FBRSL1: variants seen among roughly 807,000 people sequenced by gnomAD.
The protein encoded by FBRSL1 is fibrosin like 1, also known as fibrosin-1-like protein.
FBRSL1 carries 51 observed loss-of-function variants against 89.6 expected under a neutral mutation model. The observed-to-expected ratio is 0.57, with a 90% CI of 0.45 to 0.72. The LOEUF (loss-of-function observed/expected upper bound fraction) is 0.72. Ranked by LOEUF, FBRSL1 falls within the 30% of genes least tolerant of loss-of-function variation. The pLI is 0.00. For synonymous variants in FBRSL1, 779 were observed against 681.1 expected (o/e 1.14, Z -2.24); for missense variants, 1,618 against 1,451.8 (o/e 1.11, Z -1.86).
At chr12:132,510,878 C>T (rs2034255067) in intron 2 of FBRSL1, 1 of 1,021,228 alleles carries the variant, frequency 9.8e-7, no homozygotes, top group African/African-American at 1.7e-5. Flanking sequence ...CCTTGCATCT[C>T]TGAGTCTACG....
chr12:132,547,936 G>T lies in FBRSL1; in HGVS notation c.616-67G>T. The T allele has an allele frequency of 2.0e-6, 3 of 1,532,472 alleles. No homozygotes were observed. The South Asian group carries it at 3.6e-5, about 18-fold the overall frequency. 94.9% of individuals were successfully genotyped at this position (1,532,472 alleles called of 1,614,324 possible). On this transcript the variant is annotated intron_variant, in intron 4 of 18. Coordinates refer to ENST00000680143, the MANE Select transcript of FBRSL1 (RefSeq NM_001367871.1). ...CCCGTGCCCCTGCAGCCTGGCTGCT[G>T]CCGTGCCCCGGGGGGTGACACTGGT...
intron 4 of FBRSL1, among the ~76,000 whole-genome samples, chr12:132,533,069 C>G (rs1289701493): frequency 6.6e-6 from 1 of 152,184 alleles, no homozygotes; most frequent in Admixed American, 6.5e-5. Context: ...TCCCTGGAGT[C>G]AGAGAGCCAC....
chr12:132,583,171 C>G lies in FBRSL1; in HGVS notation c.2402C>G (p.Ser801Cys). The change falls in exon 19 of 19, where the codon TCC (serine) becomes TGC (cysteine). Residue 801 changes from serine (S) to cysteine (C), a missense_variant. Transcript: ENST00000680143. ...GCCGCCAAGATGCCCGCGCGCGCAT[C>G]CCCGCCCCACAGCAAGGCGGCCCCT... ...EEAAKMPARA[S>C]PPHSKAAPGD... The G allele has an allele frequency of 6.9e-7, 1 of 1,456,808 alleles. No individual in the cohort carries two copies. The highest frequency in any genetic ancestry group is 9.0e-7 in the Non-Finnish European group (1 of 1,108,392). 90.2% of individuals were successfully genotyped at this position (1,456,808 alleles called of 1,614,324 possible).
chr12:132,567,149 G>T (rs2039683522), intron 5 of FBRSL1, among the ~76,000 whole-genome samples: 1 of 152,184 alleles, frequency 6.6e-6, no homozygotes, highest in Non-Finnish European at 1.5e-5. Context: ...GAGGGGTGCA[G>T]ATTTGCCAAA....
Position 132,581,821 on chromosome 12 carries a change from C to G in FBRSL1, c.1993C>G (p.Leu665Val), listed in dbSNP as rs1177224565. ...HAFGGLGSHALAPGGSIFAPK... is the reference protein window; with the variant it reads ...HAFGGLGSHAVAPGGSIFAPK... Reference sequence around the variant, plus strand: ...CTTTGGGGGCCTGGGCAGCCATGCACTGGGTGAGTGACCCAGCCTGTGCCC... The same window carrying G: ...CTTTGGGGGCCTGGGCAGCCATGCAGTGGGTGAGTGACCCAGCCTGTGCCC... The change falls in exon 17 of 19, where the codon CTG (leucine) becomes GTG (valine). Residue 665 changes from leucine to valine, a missense_variant. Physicochemically the swap from Leu to Val is conservative, Grantham distance 32. Coordinates refer to ENST00000680143, the MANE Select transcript of FBRSL1 (RefSeq NM_001367871.1). 2.6e-6 allele frequency: 4 copies of G among 1,545,516 alleles called. No individual in the cohort carries two copies. The highest frequency in any genetic ancestry group is 3.5e-6 in the Non-Finnish European group (4 of 1,144,688).
At chr12:132,500,979 G>A (rs1188225066) in intron 1 of FBRSL1, among the ~76,000 whole-genome samples, 1 of 152,250 alleles carries the variant, frequency 6.6e-6, no homozygotes, top group East Asian at 1.9e-4. Context: ...ACCCTGTCCT[G>A]TGGCCGGCGT....
chr12:132,558,631 A>G (rs1019653524), intron 5 of FBRSL1, among the ~76,000 whole-genome samples: 2 of 152,232 alleles, frequency 1.3e-5, no homozygotes, highest in Admixed American at 6.5e-5. Flanking sequence ...GATTCCTTCT[A>G]TACCGTTGGA....
chr12:132,557,236 T>C (rs2038755667), intron 5 of FBRSL1, among the ~76,000 whole-genome samples: 1 of 152,206 alleles, frequency 6.6e-6, no homozygotes, highest in African/African-American at 2.4e-5. Flanking sequence ...TAAATGTGCC[T>C]CTGAACACCA....
Position 132,520,095 on chromosome 12 carries a change from G to A in FBRSL1, c.490-5639G>A, listed in dbSNP as rs368567358. Among the ~76,000 whole-genome samples the A allele has an allele frequency of 1.9e-4, 28 of 145,278 alleles. 1 individual carries two copies. In the East Asian group the frequency reaches 2.8e-3, roughly 15 times the overall value. ...AGCACCCCCTCCTTGCACCCCTCCA[G>A]CACACCCTCCTTGCACACCTCCAGC... On this transcript the variant is annotated intron_variant, in intron 2 of 18. Coordinates refer to ENST00000680143, the MANE Select transcript of FBRSL1 (RefSeq NM_001367871.1).
At position 132,490,539 on chromosome 12, in the gene FBRSL1, G is replaced by A. The variant is rs1239927499; in HGVS notation, c.-32G>A. Reference sequence around the variant, plus strand: ...CTGCGAGCCAGGCGCGGGGCGTCAAGGTCACCGGCCCGACGGGGCGCACGC... The same window carrying A: ...CTGCGAGCCAGGCGCGGGGCGTCAAAGTCACCGGCCCGACGGGGCGCACGC... On this transcript the variant is annotated 5_prime_UTR_variant, in exon 1 of 19. Coordinates refer to ENST00000680143, the MANE Select transcript of FBRSL1 (RefSeq NM_001367871.1). 3 of 980,438 alleles carry A rather than the reference G, an allele frequency of 3.1e-6. No individual in the cohort carries two copies. Among genetic ancestry groups the A allele is most frequent in the Non-Finnish European group, 3.6e-6 (3 of 827,998 alleles). 60.7% of individuals were successfully genotyped at this position (980,438 alleles called of 1,614,324 possible).
chr12:132,502,443 C>T (rs547565317), intron 1 of FBRSL1, among the ~76,000 whole-genome samples: 81 of 152,186 alleles, frequency 5.3e-4, no homozygotes, highest in Non-Finnish European at 9.3e-4. Context: ...AGGTGTGATC[C>T]GTGGTCTTCC....
Position 132,571,239 on chromosome 12 carries a change from TCCGCCTCGCC to T in FBRSL1, c.1377+14_1377+23del. 1 of 1,466,028 alleles carries T rather than the reference TCCGCCTCGCC, an allele frequency of 6.8e-7. No individual in the cohort carries two copies. Among genetic ancestry groups the T allele is most frequent in the Admixed American group, 2.3e-5 (1 of 43,390 alleles). The allele number at this position is 1,466,028 out of a possible 1,614,324, so 90.8% of individuals were successfully genotyped here. A position where few individuals can be genotyped will look rare whatever the true frequency, so the allele number is the denominator to read the frequency against. ...CGACCCCGGGAGTGCCAGGTGACTA[TCCGCCTCGCC>T]CCGCCGGGAGCCCGCGGCCAACGTG... On this transcript the variant is annotated intron_variant, in intron 9 of 18. Coordinates refer to ENST00000680143, the MANE Select transcript of FBRSL1 (RefSeq NM_001367871.1).
intron 4 of FBRSL1, among the ~76,000 whole-genome samples, chr12:132,538,432 A>G (rs796097770): frequency 6.6e-6 from 1 of 152,198 alleles, no homozygotes; most frequent in African/African-American, 2.4e-5. Context: ...GAGTCCTGCA[A>G]GGCCCAAGGC....
chr12:132,543,969 T>C (rs1199964986), intron 4 of FBRSL1, among the ~76,000 whole-genome samples: 1 of 151,926 alleles, frequency 6.6e-6, no homozygotes, highest in Non-Finnish European at 1.5e-5. Flanking sequence ...TGCCGCTGAG[T>C]GGTCTGGAAC....
At chr12:132,515,607 T>G (rs1050157660) in intron 2 of FBRSL1, among the ~76,000 whole-genome samples, 9 of 150,944 alleles carry the variant, frequency 6.0e-5, no homozygotes, top group South Asian at 2.1e-4. Context: ...AATACAGAAA[T>G]TAATGAGGCA....
rs1390505109 is a variant in FBRSL1 at position 132,583,034 on chromosome 12, C to T, written c.2265C>T (p.Pro755=). The change falls in exon 19 of 19, where the codon CCC becomes CCT. Residue 755 remains proline, a synonymous_variant. Transcript: ENST00000680143. The part of the protein sequence containing the change: ...RASPATPAGH[P]VSGLLLRAQS... ...CGCCCGCCACCCCCGCTGGCCACCC[C>T]GTCAGCGGCCTCCTGCTCCGGGCCC... The T allele has an allele frequency of 1.4e-6, 2 of 1,455,752 alleles. No individual in the cohort carries two copies. Among genetic ancestry groups the T allele is most frequent in the Non-Finnish European group, 1.8e-6 (2 of 1,111,754 alleles). 90.2% of individuals were successfully genotyped at this position (1,455,752 alleles called of 1,614,324 possible). A position where few individuals can be genotyped will look rare whatever the true frequency, so the allele number is the denominator to read the frequency against.
chr12:132,576,666 C>T, intron 14 of FBRSL1, 133 bp from the exon 15 acceptor site: 1 of 1,047,368 alleles, frequency 9.5e-7, no homozygotes, highest in Non-Finnish European at 1.4e-6. Flanking sequence ...GAGAATACAC[C>T]CTTGAAATCC....
At position 132,571,545 on chromosome 12, in the gene FBRSL1, G is replaced by A. The variant is rs188566562; in HGVS notation, c.1377+314G>A. 8.3e-5 allele frequency: 118 copies of A among 1,424,722 alleles called. No individual in the cohort carries two copies. In the Admixed American group the frequency reaches 1.3e-3, roughly 15 times the overall value. The allele number at this position is 1,424,722 out of a possible 1,614,324, so 88.3% of individuals were successfully genotyped here. On this transcript the variant is annotated intron_variant, in intron 9 of 18. Transcript: ENST00000680143. ...CGCCGGTGCGTAGGCCCGCGTGCTG[G>A]CAGGGGGCGGGGGCGGGCGTGGGGC...
intron 4 of FBRSL1, among the ~76,000 whole-genome samples, chr12:132,534,558 G>A (rs944935006): frequency 6.6e-6 from 1 of 152,208 alleles, no homozygotes; most frequent in Non-Finnish European, 1.5e-5. Flanking sequence ...GCCCACACAG[G>A]GCTCACTTCC....
Sources: allele counts gnomAD v4.1 joint callset (sites outside exome capture counted in the v4.1 genomes callset), GRCh38; gene constraint gnomAD v4.1.1; transcripts MANE v1.5; gene names NCBI Gene and HGNC (gene_info 2026-07-23, HGNC 2026-07-21).